Variants in CFAP20DC observed in about 807,000 individuals in gnomAD.
CFAP20DC encodes the protein protein CFAP20DC.
In CFAP20DC, 84 loss-of-function variants were observed where a neutral mutation model predicts 101.7. That is an observed-to-expected ratio of 0.83 (90% confidence interval 0.69 to 0.99). The LOEUF (loss-of-function observed/expected upper bound fraction) is 0.99. Ranked by LOEUF, CFAP20DC falls within the 50% of genes least tolerant of loss-of-function variation. The pLI, the probability that CFAP20DC is intolerant of heterozygous loss-of-function variation, is 0.00. For missense variants in CFAP20DC, 1,007 were observed against 970.3 expected, an observed-to-expected ratio of 1.04 and a Z score of -0.50; for synonymous variants, 359 against 351.2, an observed-to-expected ratio of 1.02 and a Z score of -0.25.
chr3:58,812,248 A>G (rs1047654212), intron 14 of CFAP20DC, among the ~76,000 whole-genome samples: 1 of 152,100 alleles, frequency 6.6e-6, no homozygotes, highest in Non-Finnish European at 1.5e-5. Flanking sequence ...ATAAAGACAC[A>G]TGCACACGTA....
In CFAP20DC at chr3:58,863,148, G is replaced by A; in HGVS notation, c.1593+410C>T. The A allele has an allele frequency of 9.3e-7, 1 of 1,070,786 alleles. No individual in the cohort carries two copies. 66.3% of individuals were successfully genotyped at this position (1,070,786 alleles called of 1,614,324 possible). ...TCTAAGGTGAAAAGATGGCAGGGGA[G>A]TAAGGAAGCCAGAAAACCATCAATT... is the stretch of plus-strand genomic sequence containing the variant. On this transcript the variant is annotated intron_variant, in intron 12 of 16. Coordinates refer to ENST00000482387, the MANE Select transcript of CFAP20DC (RefSeq NM_001394063.1). This position sits in a 1 kb window ranked among gnomAD's most constrained non-coding sequence, Gnocchi z 5.9.
chr3:58,760,442 G>A (rs1450105609), intron 15 of CFAP20DC, among the ~76,000 whole-genome samples: 4 of 152,146 alleles, frequency 2.6e-5, no homozygotes, highest in African/African-American at 4.8e-5. Context: ...GGGCTGAGAT[G>A]ATGGGGTTTT....
chr3:58,787,351 A>AG (rs1242710451), intron 15 of CFAP20DC, among the ~76,000 whole-genome samples: 1 of 45,722 alleles, frequency 2.2e-5, no homozygotes, highest in Non-Finnish European at 3.9e-5. Context: ...GGGTGGGGGG[A>AG]GGGGGGAGGG....
At chr3:58,740,744 A>G (rs2107120006), downstream of CFAP20DC, among the ~76,000 whole-genome samples, 1 of 152,182 alleles carries the variant, frequency 6.6e-6, no homozygotes, top group African/African-American at 2.4e-5. This position sits in a 1 kb window ranked among gnomAD's most constrained non-coding sequence, Gnocchi z 4.6. Context: ...AGTCTTCACG[A>G]ATATAAATTT....
chr3:59,031,146 TAA>T (rs1228972491), intron 4 of CFAP20DC, among the ~76,000 whole-genome samples: 2 of 152,272 alleles, frequency 1.3e-5, no homozygotes, highest in Middle Eastern at 3.4e-3. Flanking sequence ...TTAAATTAGT[TAA>T]GACAGTCTAT....
chr3:58,828,695 T>C (rs2076201086), intron 14 of CFAP20DC, among the ~76,000 whole-genome samples: 1 of 152,020 alleles, frequency 6.6e-6, no homozygotes, highest in East Asian at 1.9e-4. Flanking sequence ...AACTATTGGG[T>C]ACTATGCTCA....
intron 3 of CFAP20DC, among the ~76,000 whole-genome samples, chr3:58,736,956 C>T (rs887946741): frequency 9.2e-5 from 14 of 152,184 alleles, no homozygotes; most frequent in South Asian, 4.1e-4. Context: ...ATTAAAACCA[C>T]GCAAACCAGA....
chr3:58,747,544 T>G (rs1343408030), intron 16 of CFAP20DC, among the ~76,000 whole-genome samples: 1 of 152,238 alleles, frequency 6.6e-6, no homozygotes, highest in African/African-American at 2.4e-5. Flanking sequence ...TTTTCGATTT[T>G]CTGACACTGC....
chr3:58,741,260 A>G (rs543377756), downstream of CFAP20DC, among the ~76,000 whole-genome samples: 196 of 152,258 alleles, frequency 1.3e-3, no homozygotes, highest in African/African-American at 4.4e-3. Context: ...TTGGCACACA[A>G]TTCGAGGCTG....
At chr3:58,753,526 C>T (rs1264226550) in intron 16 of CFAP20DC, among the ~76,000 whole-genome samples, 1 of 152,094 alleles carries the variant, frequency 6.6e-6, no homozygotes, top group African/African-American at 2.4e-5. Flanking sequence ...TATTCTTATA[C>T]CTTAAACTGT....
At position 58,892,367 on chromosome 3, in the gene CFAP20DC, G is replaced by C. The variant is rs2082323860; in HGVS notation, c.551-7658C>G. On this transcript the variant is annotated intron_variant, in intron 6 of 16. Transcript: ENST00000482387. The surrounding 1 kb of genome is among the most constrained non-coding windows in gnomAD (Gnocchi z 4.0). ...TAAAGTAGTTTCTTTCTAATTCTGT[G>C]AAGAACATCAATGGCAGTTTAATGG... Among the ~76,000 whole-genome samples, 1 of 152,170 alleles carries C rather than the reference G, an allele frequency of 6.6e-6. No homozygotes were observed. The highest frequency in any genetic ancestry group is 2.4e-5 in the African/African-American group (1 of 41,426).
intron 14 of CFAP20DC, among the ~76,000 whole-genome samples, chr3:58,809,187 C>G (rs2074385621): frequency 6.6e-6 from 1 of 152,090 alleles, no homozygotes; most frequent in South Asian, 2.1e-4. Context: ...GAACTCAGCT[C>G]TGCACCAAGC....
chr3:59,002,938 G>A lies in CFAP20DC; in HGVS notation c.278+36619C>T, dbSNP rs2093347875. Among the ~76,000 whole-genome samples, 1 of 152,102 alleles carries A rather than the reference G, an allele frequency of 6.6e-6. No homozygotes were observed. Among genetic ancestry groups the A allele is most frequent in the Admixed American group, 6.5e-5 (1 of 15,268 alleles). On this transcript the variant is annotated intron_variant, in intron 4 of 16. Transcript: ENST00000482387. The surrounding 1 kb of genome is among the most constrained non-coding windows in gnomAD (Gnocchi z 4.5). ...ATGAAGTCACTTGCCCAAGGTCTTG[G>A]TTACTGACAGAGCTATAATGCATCC...
chr3:58,973,830 G>C (rs1246490376), intron 4 of CFAP20DC, among the ~76,000 whole-genome samples: 1 of 152,174 alleles, frequency 6.6e-6, no homozygotes, highest in Non-Finnish European at 1.5e-5. Flanking sequence ...GAAGGAACTA[G>C]AGTCAGAGCA....
intron 14 of CFAP20DC, among the ~76,000 whole-genome samples, chr3:58,817,934 C>T (rs879493560): frequency 5.3e-5 from 8 of 150,398 alleles, no homozygotes; most frequent in African/African-American, 1.2e-4. Flanking sequence ...AGACTAACAG[C>T]GGATCTCTCG....
At chr3:58,879,754 G>T (rs1559756701) in intron 7 of CFAP20DC, among the ~76,000 whole-genome samples, 2 of 151,926 alleles carry the variant, frequency 1.3e-5, no homozygotes, top group African/African-American at 2.4e-5. Flanking sequence ...TTGGTGGAGG[G>T]CATTGATTAT....
chr3:58,729,092 G>A lies in CFAP20DC; in HGVS notation c.198-11464C>T, dbSNP rs2067597727. 1.3e-5 allele frequency among the ~76,000 whole-genome samples: 2 copies of A among 152,118 alleles called. No individual in the cohort carries two copies. Among genetic ancestry groups the A allele is most frequent in the Non-Finnish European group, 2.9e-5 (2 of 68,024 alleles). On this transcript the variant is annotated intron_variant, in intron 3 of 3. Coordinates refer to the CFAP20DC transcript ENST00000486145. The surrounding 1 kb of genome is among the most constrained non-coding windows in gnomAD (Gnocchi z 4.4). ...TAAAACCTTCAGATGGCTGCAGTCTGGACCAAAAAATCTTGACTGCAACCT... is the reference window on the plus strand; with the variant it reads ...TAAAACCTTCAGATGGCTGCAGTCTAGACCAAAAAATCTTGACTGCAACCT...
intron 16 of CFAP20DC, among the ~76,000 whole-genome samples, chr3:58,743,918 G>A (rs2068023848): frequency 6.6e-6 from 1 of 152,320 alleles, no homozygotes; most frequent in Non-Finnish European, 1.5e-5. Context: ...AACACATTTA[G>A]TGTGATCCTT....
chr3:58,797,842 T>C (rs1193174326), intron 15 of CFAP20DC, among the ~76,000 whole-genome samples: 1 of 152,150 alleles, frequency 6.6e-6, no homozygotes, highest in Non-Finnish European at 1.5e-5. Flanking sequence ...TTAAGAGTGA[T>C]GCTATTAATA....
Sources: allele counts gnomAD v4.1 joint callset (sites outside exome capture counted in the v4.1 genomes callset), GRCh38; gene constraint gnomAD v4.1.1; non-coding constraint Gnocchi (gnomAD v3.1); transcripts MANE v1.5; gene names NCBI Gene and HGNC (gene_info 2026-07-23, HGNC 2026-07-21).